The following ARID1B variants were observed in gnomAD, a reference collection of about 807,000 sequenced individuals.
The protein encoded by ARID1B is AT-rich interactive domain-containing protein 1B.
A neutral mutation model predicts 212.3 loss-of-function variants in ARID1B; 30 were observed. The observed-to-expected ratio is 0.14, with a 90% confidence interval of 0.11 to 0.19. The LOEUF (loss-of-function observed/expected upper bound fraction) is 0.19. ARID1B is among the 10% of genes least tolerant of loss of function. The pLI, the probability that ARID1B is intolerant of heterozygous loss-of-function variation, is 1.00. For synonymous variants in ARID1B, 1,402 were observed against 1,301.7 expected (o/e 1.08, Z -1.66); for missense variants, 2,891 against 3,204.0 (o/e 0.90, Z 2.36).
intron 1 of ARID1B, among the ~76,000 whole-genome samples, chr6:156,795,383 C>T (rs1213392372): frequency 6.6e-6 from 1 of 151,836 alleles, no homozygotes; most frequent in Admixed American, 6.6e-5. Context: ...TCCAGGCAGC[C>T]GGATGAGAGA....
At chr6:156,910,394 G>T (rs1333562927) in intron 3 of ARID1B, among the ~76,000 whole-genome samples, 1 of 152,070 alleles carries the variant, frequency 6.6e-6, no homozygotes, top group Non-Finnish European at 1.5e-5. Context: ...TTAAATGATG[G>T]GTATAGCCCT....
At chr6:156,912,754 C>G (rs992306031) in intron 3 of ARID1B, among the ~76,000 whole-genome samples, 2 of 152,188 alleles carry the variant, frequency 1.3e-5, no homozygotes, top group African/African-American at 4.8e-5. Flanking sequence ...TCTCCTTGTT[C>G]CTCTGGAAGG....
chr6:157,157,087 C>T (rs1176004619), intron 8 of ARID1B, among the ~76,000 whole-genome samples: 1 of 152,174 alleles, frequency 6.6e-6, no homozygotes, highest in East Asian at 1.9e-4. Context: ...CCCCACCACA[C>T]CTAGCCTGCC....
intron 3 of ARID1B, among the ~76,000 whole-genome samples, chr6:156,902,484 C>G (rs568080986): frequency 6.6e-6 from 1 of 151,976 alleles, no homozygotes; most frequent in South Asian, 2.1e-4. Flanking sequence ...TAATTTTAAT[C>G]AGTTTGGCTG....
At chr6:157,078,148 A>G (rs771253280) in intron 4 of ARID1B, among the ~76,000 whole-genome samples, 4 of 152,200 alleles carry the variant, frequency 2.6e-5, no homozygotes, top group African/African-American at 9.7e-5. Context: ...TTTAACTGGT[A>G]GGAACAATGA....
chr6:157,085,261 T>C (rs1784892810), intron 5 of ARID1B, among the ~76,000 whole-genome samples: 1 of 152,196 alleles, frequency 6.6e-6, no homozygotes. Context: ...TTGATGAGGA[T>C]TGGCCTTATT....
chr6:157,155,396 A>G (rs1166761091), intron 8 of ARID1B, among the ~76,000 whole-genome samples: 2 of 152,022 alleles, frequency 1.3e-5, no homozygotes, highest in Non-Finnish European at 2.9e-5. Flanking sequence ...TATAAGCACT[A>G]CTGTTCCTTT....
intron 2 of ARID1B, among the ~76,000 whole-genome samples, chr6:156,849,921 T>A (rs1049817884): frequency 4.6e-5 from 7 of 151,588 alleles, no homozygotes; most frequent in Admixed American, 1.3e-4. Flanking sequence ...CCGGGCTTTC[T>A]GAAACCCAGT....
chr6:156,897,563 T>A (rs1369234721), intron 2 of ARID1B, among the ~76,000 whole-genome samples: 4 of 152,026 alleles, frequency 2.6e-5, no homozygotes, highest in Non-Finnish European at 5.9e-5. Context: ...CTTTAGCCAC[T>A]GCACCCAGCC....
chr6:156,861,033 T>C (rs761221758), intron 2 of ARID1B, among the ~76,000 whole-genome samples: 2 of 152,208 alleles, frequency 1.3e-5, no homozygotes, highest in African/African-American at 2.4e-5. Flanking sequence ...GTAGTAGGTC[T>C]GTCAGCCACC....
intron 6 of ARID1B, among the ~76,000 whole-genome samples, chr6:157,117,729 G>A (rs1487243872): frequency 6.6e-6 from 1 of 152,168 alleles, no homozygotes; most frequent in Admixed American, 6.5e-5. Context: ...TTTATTGTTT[G>A]GAATTAAGAA....
intron 16 of ARID1B, chr6:157,198,528 A>C (rs955780896): frequency 2.5e-6 from 1 of 397,632 alleles, no homozygotes; most frequent in African/African-American, 2.0e-5. Flanking sequence ...AGGCTCTAAC[A>C]AGTGCTTACA....
chr6:157,096,573 C>T (rs2128486137), intron 5 of ARID1B, among the ~76,000 whole-genome samples: 1 of 152,342 alleles, frequency 6.6e-6, no homozygotes, highest in East Asian at 1.9e-4. Flanking sequence ...CCTTCCTCTC[C>T]ACATTGCCAC....
At chr6:156,825,374 T>C (rs912516458) in intron 1 of ARID1B, among the ~76,000 whole-genome samples, 6 of 152,238 alleles carry the variant, frequency 3.9e-5, no homozygotes, top group African/African-American at 1.4e-4. Flanking sequence ...TTGAAAGATA[T>C]TTGATGCATT....
At chr6:156,917,664 G>A (rs79301754) in intron 3 of ARID1B, among the ~76,000 whole-genome samples, 28 of 152,308 alleles carry the variant, frequency 1.8e-4, no homozygotes, top group African/African-American at 6.5e-4. Context: ...AACAGTCAAG[G>A]TCATTTAGAT....
At chr6:157,090,647 T>C (rs924520529) in intron 5 of ARID1B, among the ~76,000 whole-genome samples, 5 of 152,242 alleles carry the variant, frequency 3.3e-5, no homozygotes, top group African/African-American at 1.2e-4. Context: ...GCATCAAATA[T>C]GAAAGTAGAA....
chr6:157,031,636 TAATCACTGGAAAAAATAA>T (rs1781020850), intron 4 of ARID1B, among the ~76,000 whole-genome samples: 1 of 152,140 alleles, frequency 6.6e-6, no homozygotes, highest in Non-Finnish European at 1.5e-5. Context: ...ATGATATCTA[TAATCACTGGAAAAAATAA>T]AGGAATATTC....
chr6:156,818,706 C>T (rs936356347), intron 1 of ARID1B, among the ~76,000 whole-genome samples: 11 of 152,180 alleles, frequency 7.2e-5, no homozygotes, highest in Non-Finnish European at 1.0e-4. Context: ...TTCCATTTTA[C>T]TGGAGATGGC....
At chr6:156,994,167 A>G (rs2128412317) in intron 4 of ARID1B, among the ~76,000 whole-genome samples, 2 of 152,288 alleles carry the variant, frequency 1.3e-5, no homozygotes, top group Middle Eastern at 6.8e-3. Context: ...ATAGTGACTG[A>G]TTTAAAAAGT....
Sources: allele counts gnomAD v4.1 joint callset (sites outside exome capture counted in the v4.1 genomes callset), GRCh38; gene constraint gnomAD v4.1.1; transcripts MANE v1.5; gene names NCBI Gene and HGNC (gene_info 2026-07-23, HGNC 2026-07-21).